The following KDM4C variants were observed in gnomAD, a reference collection of about 807,000 sequenced individuals.
KDM4C encodes the protein lysine demethylase 4C, also known as lysine-specific demethylase 4C.
Under a neutral mutation model 129.3 loss-of-function variants are expected in KDM4C, and 81 were observed. The ratio of observed to expected loss-of-function variants is 0.63; its 90% CI spans 0.52 to 0.75. The LOEUF (loss-of-function observed/expected upper bound fraction) is 0.75, where lower values mean the gene tolerates loss of function less well. Among genes scored for constraint, KDM4C ranks in the 30% least tolerant of loss-of-function variants. The probability of loss-of-function intolerance (pLI) is 0.00; values close to 1 mark genes in which losing one functional copy is unlikely to be tolerated. For synonymous variants in KDM4C, 573 were observed against 456.1 expected, an observed-to-expected ratio of 1.26 and a Z score of -3.26; for missense variants, 1,457 against 1,304.0, an observed-to-expected ratio of 1.12 and a Z score of -1.81.
intron 18 of KDM4C, among the ~76,000 whole-genome samples, chr9:7,108,927 T>C (rs1470459100): frequency 1.3e-5 from 2 of 152,160 alleles, no homozygotes. Flanking sequence ...TCAGTACACT[T>C]TTATGTGAAT....
intron 17 of KDM4C, among the ~76,000 whole-genome samples, chr9:7,083,960 A>G (rs915022279): frequency 6.6e-6 from 1 of 152,176 alleles, no homozygotes. Context: ...GCTATGGAGA[A>G]TTATAGTGTG....
intron 17 of KDM4C, among the ~76,000 whole-genome samples, chr9:7,087,354 C>T (rs1185762343): frequency 6.6e-6 from 1 of 151,818 alleles, no homozygotes; most frequent in South Asian, 2.1e-4. Flanking sequence ...AACATACATT[C>T]ATAAAATAAT....
Position 6,734,977 on chromosome 9 carries a change from C to G in KDM4C, c.49+13980C>G, listed in dbSNP as rs1452787067. 8.8e-6 allele frequency: 5 copies of G among 568,866 alleles called. No homozygotes were observed. In the African/African-American group the frequency reaches 9.4e-5, roughly 11 times the overall value. 35.2% of individuals were successfully genotyped at this position (568,866 alleles called of 1,614,324 possible). On this transcript the variant is annotated intron_variant, in intron 1 of 17. Coordinates refer to the KDM4C transcript ENST00000536108. ...TGTCTGTCTAACACATCAACTCCAA[C>G]CACACTCAAGTTGATAGGGTTTGGG...
intron 1 of KDM4C, among the ~76,000 whole-genome samples, chr9:6,764,078 T>C (rs1363363487): frequency 6.6e-6 from 1 of 152,124 alleles, no homozygotes; most frequent in African/African-American, 2.4e-5. Flanking sequence ...TTTTAACAGT[T>C]TTTGTTTTGT....
intron 8 of KDM4C, among the ~76,000 whole-genome samples, chr9:6,938,138 C>G (rs1170919510): frequency 2.0e-5 from 3 of 152,140 alleles, no homozygotes; most frequent in African/African-American, 7.2e-5. Context: ...TGCTCCAGAT[C>G]ACCTGCACTG....
chr9:6,894,540 A>G lies in KDM4C; in HGVS notation c.921+1308A>G, dbSNP rs890152230. 5.9e-5 allele frequency among the ~76,000 whole-genome samples: 9 copies of G among 152,242 alleles called. No individual in the cohort carries two copies. The East Asian group carries it at 7.7e-4, about 13-fold the overall frequency. On this transcript the variant is annotated intron_variant, in intron 8 of 21. Transcript: ENST00000381309. ...ATAGTTTGCACCTTTACTTACAGAT[A>G]TAAGTCAGCTATTACAGCTGTTCAG...
intron 17 of KDM4C, among the ~76,000 whole-genome samples, chr9:7,065,030 T>G (rs1273028466): frequency 6.6e-6 from 1 of 152,206 alleles, no homozygotes; most frequent in African/African-American, 2.4e-5. Flanking sequence ...AGTGTTCTAG[T>G]GAAAGATAAA....
chr9:6,887,923 C>A, intron 6 of KDM4C, 37 bp from the exon 7 acceptor site: 1 of 1,184,064 alleles, frequency 8.4e-7, no homozygotes, highest in South Asian at 1.2e-5. Flanking sequence ...TTCTCTTAAT[C>A]GACACAGTGC....
intron 17 of KDM4C, among the ~76,000 whole-genome samples, chr9:7,055,189 AAC>A (rs1333436316): frequency 8.5e-5 from 13 of 152,142 alleles, no homozygotes; most frequent in Admixed American, 8.5e-4. Flanking sequence ...AAAACAAACA[AAC>A]ACAAAAAATT....
At chr9:7,120,570 C>T (rs1191181083) in intron 18 of KDM4C, among the ~76,000 whole-genome samples, 1 of 152,050 alleles carries the variant, frequency 6.6e-6, no homozygotes, top group Non-Finnish European at 1.5e-5. Context: ...TTAATACAGC[C>T]CCAAACCTGA....
At chr9:6,936,225 G>A (rs958979761) in intron 8 of KDM4C, among the ~76,000 whole-genome samples, 2 of 152,050 alleles carry the variant, frequency 1.3e-5, no homozygotes, top group African/African-American at 4.8e-5. Context: ...TGTATGTTTC[G>A]TTTTTAAACT....
rs547456550 is a variant in KDM4C at position 7,002,039 on chromosome 9, C to A, written c.1787-9659C>A. Among the ~76,000 whole-genome samples, 77 of 152,180 alleles carry A rather than the reference C, an allele frequency of 5.1e-4. No homozygotes were observed. The South Asian group carries it at 6.4e-3, about 13-fold the overall frequency. On this transcript the variant is annotated intron_variant, in intron 12 of 21. Transcript: ENST00000381309. ...TCCCGAGTATCTAGGACTACAGGCACGTACCACCACACCTGGCTAGTTTTT... is the reference window on the plus strand; with the variant it reads ...TCCCGAGTATCTAGGACTACAGGCAAGTACCACCACACCTGGCTAGTTTTT...
intron 4 of KDM4C, among the ~76,000 whole-genome samples, chr9:6,830,293 A>G (rs778575059): frequency 4.6e-5 from 7 of 152,222 alleles, no homozygotes; most frequent in Non-Finnish European, 7.3e-5. Flanking sequence ...AGTATTGCTT[A>G]CAATCTCCCT....
chr9:6,876,572 CTT>C (rs1299411877), intron 5 of KDM4C, among the ~76,000 whole-genome samples: 6 of 152,184 alleles, frequency 3.9e-5, no homozygotes, highest in African/African-American at 1.4e-4. Context: ...TCTTTTCTTT[CTT>C]TCTCTCTCTT....
At chr9:6,865,820 T>G (rs960888384) in intron 5 of KDM4C, among the ~76,000 whole-genome samples, 3 of 151,964 alleles carry the variant, frequency 2.0e-5, no homozygotes, top group Non-Finnish European at 4.4e-5. Context: ...GCGCAATCTC[T>G]GCTCACTGCA....
chr9:6,866,511 C>T (rs1842009815), intron 5 of KDM4C, among the ~76,000 whole-genome samples: 1 of 152,130 alleles, frequency 6.6e-6, no homozygotes, highest in Admixed American at 6.5e-5. Context: ...TTGGCATCTC[C>T]GTTGGCTGAA....
At chr9:6,935,752 T>TCA (rs1235229527) in intron 8 of KDM4C, among the ~76,000 whole-genome samples, 1 of 152,208 alleles carries the variant, frequency 6.6e-6, no homozygotes, top group African/African-American at 2.4e-5. Context: ...CATGAGTATG[T>TCA]TGCTTTAATG....
upstream of KDM4C, among the ~76,000 whole-genome samples, chr9:6,755,641 T>C (rs2130322667): frequency 6.6e-6 from 1 of 152,338 alleles, no homozygotes; most frequent in Middle Eastern, 3.4e-3. Flanking sequence ...ACATATAAAC[T>C]TCAAGGGGAA....
At chr9:7,064,995 C>G (rs1234308439) in intron 17 of KDM4C, among the ~76,000 whole-genome samples, 4 of 152,102 alleles carry the variant, frequency 2.6e-5, no homozygotes, top group African/African-American at 9.7e-5. Context: ...AAATTGAAAA[C>G]AAACACAAGA....
Sources: allele counts gnomAD v4.1 joint callset (sites outside exome capture counted in the v4.1 genomes callset), GRCh38; gene constraint gnomAD v4.1.1; transcripts MANE v1.5; gene names NCBI Gene and HGNC (gene_info 2026-07-23, HGNC 2026-07-21).